Variants in CDH26 observed in about 807,000 individuals in gnomAD.
CDH26 encodes the protein cadherin-like protein 26.
Under a neutral mutation model 90.3 loss-of-function variants are expected in CDH26, and 83 were observed. The observed-to-expected ratio is 0.92, with a 90% CI of 0.77 to 1.10. The LOEUF is 1.10. Among genes scored for constraint, CDH26 ranks in the 50% least tolerant of loss-of-function variants. The pLI is 0.00. For synonymous variants in CDH26, 397 were observed against 396.3 expected (o/e 1.00, Z -0.02); for missense variants, 1,013 against 1,037.6 (o/e 0.98, Z 0.33).
At chr20:60,010,194 G>A (rs964363117) in intron 17 of CDH26, among the ~76,000 whole-genome samples, 7 of 152,054 alleles carry the variant, frequency 4.6e-5, no homozygotes, top group African/African-American at 1.4e-4. Flanking sequence ...GGGGCGGGGC[G>A]GGGGGCATAG....
chr20:59,958,611 A>T lies in CDH26; in HGVS notation c.-116A>T. 1.1e-6 allele frequency: 1 copy of T among 943,448 alleles called. No individual in the cohort carries two copies. Among genetic ancestry groups the T allele is most frequent in the Non-Finnish European group, 1.7e-6 (1 of 595,130 alleles). 58.4% of individuals were successfully genotyped at this position (943,448 alleles called of 1,614,324 possible). A position where few individuals can be genotyped will look rare whatever the true frequency, so the allele number is the denominator to read the frequency against. ...AAGCATCTGGGCCAAAGTGACCTGAAAACCTTTAGAGAAGAAGCTGCTGGC... is the reference window on the plus strand; with the variant it reads ...AAGCATCTGGGCCAAAGTGACCTGATAACCTTTAGAGAAGAAGCTGCTGGC... On this transcript the variant is annotated 5_prime_UTR_variant, in exon 1 of 18. Coordinates refer to ENST00000348616, the MANE Select transcript of CDH26 (RefSeq NM_177980.4).
chr20:60,027,088 G>A (rs1490265794), intron 7 of CDH26, among the ~76,000 whole-genome samples: 1 of 152,150 alleles, frequency 6.6e-6, no homozygotes, highest in Non-Finnish European at 1.5e-5. Flanking sequence ...GGAGGGTAGG[G>A]GCAGTAGGTG....
chr20:60,012,013 A>C (rs2061850090), intron 17 of CDH26, among the ~76,000 whole-genome samples: 1 of 152,096 alleles, frequency 6.6e-6, no homozygotes, highest in African/African-American at 2.4e-5. Context: ...TGGGTGAGAA[A>C]GGGGTGGCAG....
intron 7 of CDH26, among the ~76,000 whole-genome samples, chr20:60,021,866 A>ACT: frequency 1.3e-5 from 1 of 75,962 alleles, no homozygotes; most frequent in East Asian, 2.6e-4. Flanking sequence ...ACACACACAC[A>ACT]CACACACACA....
At chr20:60,021,873 C>CAT (rs2061957630) in intron 7 of CDH26, among the ~76,000 whole-genome samples, 13 of 105,296 alleles carry the variant, frequency 1.2e-4, no homozygotes, top group African/African-American at 4.0e-4. Context: ...CACACACACA[C>CAT]ACACACACAC....
chr20:59,968,238 C>G (rs1334949758), intron 1 of CDH26, among the ~76,000 whole-genome samples: 2 of 151,802 alleles, frequency 1.3e-5, no homozygotes, highest in African/African-American at 2.4e-5. Context: ...ACTGGGATTA[C>G]AGGCGCGTGC....
chr20:59,998,529 T>C (rs195001), intron 13 of CDH26, among the ~76,000 whole-genome samples: 106,208 of 152,102 alleles, frequency 0.7, 37,643 homozygotes, highest in African/African-American at 0.81. Flanking sequence ...GCTATGCCAG[T>C]GGGACAAGAG....
At position 60,002,808 on chromosome 20, in the gene CDH26, TTAAGGG is replaced by T; in HGVS notation, c.2167-3_2169del. 6.3e-7 allele frequency: 1 copy of T among 1,590,482 alleles called. No individual in the cohort carries two copies. Among genetic ancestry groups the T allele is most frequent in the South Asian group, 1.2e-5 (1 of 86,466 alleles). ...AAATCAGTAAATATTTCATCTTTCT[TTAAGGG>T]TTATGGCAAGCCCTTTGAGCCAAGA... On this transcript the variant is annotated splice_acceptor_variant and splice_polypyrimidine_tract_variant and coding_sequence_variant and intron_variant, in exon 16 of 18. Coordinates refer to ENST00000348616, the MANE Select transcript of CDH26 (RefSeq NM_177980.4). LOFTEE classifies it high-confidence loss of function.
intron 8 of CDH26, among the ~76,000 whole-genome samples, chr20:60,032,322 C>A (rs1023913466): frequency 6.6e-6 from 1 of 152,190 alleles, no homozygotes; most frequent in African/African-American, 2.4e-5. Context: ...CTATTAAATT[C>A]TATTGGCCAG....
At chr20:59,970,212 A>AC (rs771120841) in intron 3 of CDH26, 26 bp downstream of exon 3, 1 of 1,609,202 alleles carries the variant, frequency 6.2e-7, no homozygotes, top group East Asian at 2.2e-5. Flanking sequence ...TTAAGGAATG[A>AC]CCCCATCATG....
At chr20:59,996,295 T>G in intron 12 of CDH26, 1 of 1,297,362 alleles carries the variant, frequency 7.7e-7, no homozygotes. Flanking sequence ...GTAAATATAG[T>G]CAAGGAGTGG....
chr20:59,976,885 G>A (rs1380201569), intron 4 of CDH26, among the ~76,000 whole-genome samples: 3 of 152,156 alleles, frequency 2.0e-5, no homozygotes, highest in Non-Finnish European at 4.4e-5. Flanking sequence ...TTAGGCCCCT[G>A]AGGAAGGGGA....
chr20:60,013,885 A>T lies in CDH26; in HGVS notation c.*1155A>T, dbSNP rs1292171480. 6.6e-6 allele frequency: 1 copy of T among 152,200 alleles called. No homozygotes were observed. The highest frequency in any genetic ancestry group is 1.5e-5 in the Non-Finnish European group (1 of 68,040). The allele number at this position is 152,200 out of a possible 1,614,324, so 9.4% of individuals were successfully genotyped here. A position where few individuals can be genotyped will look rare whatever the true frequency, so the allele number is the denominator to read the frequency against. ...CCTCTGCTTTGGGAAGCTGAAAAAGAAGAAAAATCACATTTAAAGCACTGG... is the reference window on the plus strand; with the variant it reads ...CCTCTGCTTTGGGAAGCTGAAAAAGTAGAAAAATCACATTTAAAGCACTGG... On this transcript the variant is annotated 3_prime_UTR_variant, in exon 18 of 18. Transcript: ENST00000348616.
In CDH26 at chr20:59,992,878, G is replaced by A. The variant is rs747116561; in HGVS notation, c.1426+358G>A. On this transcript the variant is annotated intron_variant, in intron 10 of 17. Transcript: ENST00000348616. The surrounding 1 kb of genome is among the most constrained non-coding windows in gnomAD (Gnocchi z 5.0). ...CTTCCCTGTGCTTGGGATGGCATAC[G>A]AGCTCAGATAAATGGGACTGTAAGG... Among the ~76,000 whole-genome samples, 1 of 152,032 alleles carries A rather than the reference G, an allele frequency of 6.6e-6. No homozygotes were observed. The highest frequency in any genetic ancestry group is 2.4e-5 in the African/African-American group (1 of 41,378).
chr20:60,032,257 A>C (rs1352509579), intron 8 of CDH26, among the ~76,000 whole-genome samples: 3 of 152,182 alleles, frequency 2.0e-5, no homozygotes, highest in Admixed American at 2.0e-4. Context: ...GTAAGTGCAC[A>C]ATTTGGGCCT....
chr20:60,018,788 T>C (rs1483826833), downstream of CDH26, among the ~76,000 whole-genome samples: 1 of 149,684 alleles, frequency 6.7e-6, no homozygotes, highest in Non-Finnish European at 1.5e-5. Flanking sequence ...TTTTTCCCCT[T>C]TGTTTTTGGC....
intron 17 of CDH26, 25 bp downstream of exon 17, chr20:60,006,812 T>A: frequency 1.9e-6 from 3 of 1,578,356 alleles, no homozygotes; most frequent in Non-Finnish European, 2.6e-6. Context: ...CCTTGTGCTG[T>A]GCACTAGCTA....
intron 16 of CDH26, among the ~76,000 whole-genome samples, chr20:60,003,950 G>T (rs995658485): frequency 6.6e-6 from 1 of 152,218 alleles, no homozygotes; most frequent in Non-Finnish European, 1.5e-5. Context: ...GCTGGAAACT[G>T]ACACGGCGTC....
chr20:59,977,761 G>A (rs2061344315), intron 4 of CDH26, among the ~76,000 whole-genome samples: 1 of 147,622 alleles, frequency 6.8e-6, no homozygotes, highest in African/African-American at 2.5e-5. Flanking sequence ...TATAATTGTT[G>A]AGCCAGTATT....
Sources: gnomAD v4.1 joint callset for allele counts (sites outside exome capture counted in the v4.1 genomes callset) on GRCh38, gnomAD v4.1.1 for gene constraint, Gnocchi (gnomAD v3.1) non-coding constraint, MANE v1.5 for transcripts, NCBI Gene and HGNC (gene_info 2026-07-23, HGNC 2026-07-21) for gene names.